CAPN13: variants seen among roughly 807,000 people sequenced by gnomAD.
The protein encoded by CAPN13 is calpain 13.
CAPN13 carries 90 observed loss-of-function variants against 98.4 expected under a neutral mutation model. The observed-to-expected ratio is 0.92, with a 90% confidence interval of 0.77 to 1.09. The LOEUF is 1.09. Ranked by LOEUF, CAPN13 falls within the 50% of genes least tolerant of loss-of-function variation. The pLI is 0.00. For missense variants in CAPN13, 887 were observed against 841.3 expected, an observed-to-expected ratio of 1.05 and a Z score of -0.67; for synonymous variants, 330 against 305.5, an observed-to-expected ratio of 1.08 and a Z score of -0.84.
chr2:30,800,343 T>A (rs566573277), intron 1 of CAPN13, among the ~76,000 whole-genome samples: 48 of 152,318 alleles, frequency 3.2e-4, no homozygotes, highest in African/African-American at 1.1e-3. Context: ...AGCGACTTAC[T>A]GAGGTTCCAC....
Position 30,734,430 on chromosome 2 carries a change from T to C in CAPN13, c.1798+19A>G, listed in dbSNP as rs1482718235. On this transcript the variant is annotated intron_variant, in intron 19 of 22. Transcript: ENST00000295055. The stretch of plus-strand genomic sequence containing the variant: ...CTCCCCGGACCTTGGGCACCACAGC[T>C]CCAAAGTCCCCATTGTACCTGTATT... 6.2e-7 allele frequency: 1 copy of C among 1,608,076 alleles called. No individual in the cohort carries two copies. Among genetic ancestry groups the C allele is most frequent in the East Asian group, 2.2e-5 (1 of 44,818 alleles).
chr2:30,757,863 A>G (rs981101167), intron 8 of CAPN13, among the ~76,000 whole-genome samples, 183 bp downstream of exon 8: 2 of 152,230 alleles, frequency 1.3e-5, no homozygotes, highest in Non-Finnish European at 2.9e-5. Flanking sequence ...TAGGTGCCCC[A>G]TAGTTGCTTG....
chr2:30,782,247 T>C (rs1253487116), intron 2 of CAPN13, among the ~76,000 whole-genome samples: 1 of 152,226 alleles, frequency 6.6e-6, no homozygotes, highest in Non-Finnish European at 1.5e-5. Context: ...GACTTCCACA[T>C]CCTCACACGG....
intron 8 of CAPN13, 64 bp downstream of exon 8, chr2:30,757,982 G>C (rs1672542860): frequency 4.8e-6 from 6 of 1,262,234 alleles, no homozygotes; most frequent in Non-Finnish European, 6.6e-6. Flanking sequence ...GCTCTCATGG[G>C]CAGGAGGCTC....
chr2:30,758,943 TCC>T (rs1672639000), intron 7 of CAPN13, among the ~76,000 whole-genome samples: 1 of 136,590 alleles, frequency 7.3e-6, no homozygotes, highest in African/African-American at 2.8e-5. Flanking sequence ...CCTCCCTCCC[TCC>T]CTTTCTTCCC....
intron 9 of CAPN13, among the ~76,000 whole-genome samples, 168 bp from the exon 10 acceptor site, chr2:30,753,366 G>T (rs1214284862): frequency 1.3e-5 from 2 of 152,140 alleles, no homozygotes; most frequent in African/African-American, 4.8e-5. Context: ...TGCTCCAGTG[G>T]CTGGGAGGGC....
chr2:30,737,966 G>GAC (rs71831494), intron 17 of CAPN13: 25,457 of 372,290 alleles, frequency 0.068, 980 homozygotes, highest in African/African-American at 0.19. Context: ...GAATTATAAG[G>GAC]ACACACACAC....
chr2:30,745,636 G>T, intron 12 of CAPN13, 87 bp downstream of exon 12: 2 of 1,370,510 alleles, frequency 1.5e-6, no homozygotes, highest in Non-Finnish European at 1.0e-6. Flanking sequence ...CACTGAACAC[G>T]TGGAGGCCAT....
chr2:30,796,157 T>C (rs967755458), intron 1 of CAPN13, among the ~76,000 whole-genome samples: 13 of 147,172 alleles, frequency 8.8e-5, no homozygotes, highest in South Asian at 4.2e-4. Flanking sequence ...TATATATATA[T>C]ACATATATAT....
intron 11 of CAPN13, among the ~76,000 whole-genome samples, chr2:30,747,073 C>T (rs1671951557): frequency 6.6e-6 from 1 of 152,212 alleles, no homozygotes; most frequent in African/African-American, 2.4e-5. Context: ...ACTCCCACCC[C>T]TGATGCTTGT....
rs946149338 is a variant in CAPN13 at position 30,723,031 on chromosome 2, T to C, written c.*236A>G. 1 of 152,234 alleles carries C rather than the reference T, an allele frequency of 6.6e-6. No individual in the cohort carries two copies. Among genetic ancestry groups the C allele is most frequent in the Admixed American group, 6.5e-5 (1 of 15,282 alleles). 9.4% of individuals were successfully genotyped at this position (152,234 alleles called of 1,614,324 possible). On this transcript the variant is annotated 3_prime_UTR_variant, in exon 23 of 23. Transcript: ENST00000295055. ...CTTTTCCAGGGCAACGTAGGCTGAA[T>C]ACATCCCAAAGTGCTCAGATGAGCT...
At chr2:30,755,175 C>G (rs913119982) in intron 8 of CAPN13, among the ~76,000 whole-genome samples, 1 of 152,074 alleles carries the variant, frequency 6.6e-6, no homozygotes, top group African/African-American at 2.4e-5. Context: ...ACCTGGCGCC[C>G]TCTTCCTCCT....
chr2:30,772,861 C>T (rs1673481097), intron 4 of CAPN13, among the ~76,000 whole-genome samples: 1 of 151,156 alleles, frequency 6.6e-6, no homozygotes. Flanking sequence ...GCCCTGTTGC[C>T]AGGCTGGAGT....
intron 7 of CAPN13, 60 bp downstream of exon 7, chr2:30,763,022 G>T: frequency 1.4e-6 from 2 of 1,390,762 alleles, no homozygotes; most frequent in Non-Finnish European, 2.0e-6. Context: ...CTATTGAGAG[G>T]AACAAGAACA....
intron 2 of CAPN13, among the ~76,000 whole-genome samples, chr2:30,779,510 A>T (rs1332592609): frequency 6.6e-6 from 1 of 152,198 alleles, no homozygotes; most frequent in Non-Finnish European, 1.5e-5. Context: ...ACCAGTCCTT[A>T]CATTTACAAA....
chr2:30,755,294 A>G (rs556318524), intron 8 of CAPN13, among the ~76,000 whole-genome samples: 1 of 152,168 alleles, frequency 6.6e-6, no homozygotes, highest in South Asian at 2.1e-4. Context: ...TTGAGCTTCC[A>G]TAGCCCACTG....
At chr2:30,748,409 G>A (rs1410975937) in intron 11 of CAPN13, among the ~76,000 whole-genome samples, 3 of 152,332 alleles carry the variant, frequency 2.0e-5, no homozygotes, top group East Asian at 3.9e-4. Flanking sequence ...AGCTCACAAC[G>A]TCGATGGGAT....
At position 30,745,716 on chromosome 2, in the gene CAPN13, G is replaced by T; in HGVS notation, c.1248+7C>A. On this transcript the variant is annotated splice_region_variant and intron_variant, in intron 12 of 22. Transcript: ENST00000295055. ...AGGCGCAGGGCAAGGACGACGCTGA[G>T]CCATACCTGTGAGCCAGCCTGTTGG... The T allele has an allele frequency of 6.3e-7, 1 of 1,596,698 alleles. No homozygotes were observed. Among genetic ancestry groups the T allele is most frequent in the Non-Finnish European group, 8.5e-7 (1 of 1,178,988 alleles).
At chr2:30,731,002 G>C (rs901580670) in intron 21 of CAPN13, among the ~76,000 whole-genome samples, 10 of 152,124 alleles carry the variant, frequency 6.6e-5, no homozygotes, top group African/African-American at 2.2e-4. Context: ...ATATATCTTA[G>C]GTCTACCAGC....
Sources: gnomAD v4.1 joint callset for allele counts (sites outside exome capture counted in the v4.1 genomes callset) on GRCh38, gnomAD v4.1.1 for gene constraint, MANE v1.5 for transcripts, NCBI Gene and HGNC (gene_info 2026-07-23, HGNC 2026-07-21) for gene names.